The following HEPH variants were observed in gnomAD, a reference collection of about 807,000 sequenced individuals.
HEPH encodes the protein hephaestin.
HEPH carries 69 observed loss-of-function variants against 80.8 expected under a neutral mutation model. The ratio of observed to expected loss-of-function variants is 0.85; its 90% confidence interval spans 0.70 to 1.04. The LOEUF (loss-of-function observed/expected upper bound fraction) is 1.04. Among genes scored for constraint, HEPH ranks in the 50% least tolerant of loss-of-function variants. The probability of loss-of-function intolerance (pLI) is 0.00; values close to 1 mark genes in which losing one functional copy is unlikely to be tolerated. For synonymous variants in HEPH, 431 were observed against 322.8 expected (o/e 1.34, Z -3.60); for missense variants, 1,115 against 891.3 (o/e 1.25, Z -3.20).
At chrX:66,245,008 G>GA (rs2090747523) in intron 15 of HEPH, among the ~76,000 whole-genome samples, 1 of 110,321 alleles carries the variant, frequency 9.1e-6, no homozygotes, top group Non-Finnish European at 1.9e-5. Context: ...CCATTTATGT[G>GA]AAAAATAGGC....
At position 66,256,347 on chromosome X, in the gene HEPH, C is replaced by T. The variant is rs762098355; in HGVS notation, c.2896+17C>T. 2 of 1,129,877 alleles carry T rather than the reference C, an allele frequency of 1.8e-6. No homozygotes were observed. Among genetic ancestry groups the T allele is most frequent in the Admixed American group, 4.4e-5 (2 of 45,392 alleles). The allele number at this position is 1,129,877 out of a possible 1,213,427, so 93.1% of individuals were successfully genotyped here. ...AAATGCATGGTCAGTAGTAAAAAAC[C>T]TACTCTTGTTCCAAAGCAGTCCCTA... is the stretch of plus-strand genomic sequence containing the variant. On this transcript the variant is annotated intron_variant, in intron 17 of 20. Coordinates refer to ENST00000343002, the MANE Select transcript of HEPH (RefSeq NM_001367233.3).
chrX:66,197,192 GTA>G (rs934786202), intron 9 of HEPH, among the ~76,000 whole-genome samples: 27 of 108,887 alleles, frequency 2.5e-4, no homozygotes, highest in Non-Finnish European at 4.2e-4. Context: ...ATATATATAT[GTA>G]TATATATACA....
rs139478738 is a variant in HEPH, at chrX:66,236,702, T to C, written c.2564-18333T>C. ...TAGTAGGAATGGTAGCAGATCTTTG[T>C]ACACCTTGTAGAATTGGGTTGTGAA... On this transcript the variant is annotated intron_variant, in intron 15 of 20. Transcript: ENST00000343002. Among the ~76,000 whole-genome samples the C allele has an allele frequency of 5.6e-4, 62 of 111,610 alleles. No homozygotes were observed. In the East Asian group the frequency reaches 0.017, roughly 32 times the overall value.
rs774145949 is a variant in HEPH, at chrX:66,193,564, G to A, written c.1295G>A (p.Arg432Gln). ...ATTGGGGGCACTTACTGGAAAGTGC[G>A]ATATGAAGCCTTTCAAGATGAGACA... ...SRIGGTYWKV[R>Q]YEAFQDETFQ... Residue 432 changes from arginine (R) to glutamine (Q), a missense_variant, in exon 8 of 21, where the codon CGA (arginine) becomes CAA (glutamine). Arg to Gln is a conservative substitution (Grantham distance 43, BLOSUM62 1). Transcript: ENST00000343002. The A allele has an allele frequency of 9.3e-6, 11 of 1,188,705 alleles. No homozygotes were observed. Among genetic ancestry groups the A allele is most frequent in the Admixed American group, 8.9e-5 (4 of 45,019 alleles).
At chrX:66,202,002 A>G (rs1218417808) in intron 12 of HEPH, among the ~76,000 whole-genome samples, 1 of 112,186 alleles carries the variant, frequency 8.9e-6, no homozygotes, top group Admixed American at 9.5e-5. Flanking sequence ...ATCATTTTAA[A>G]AGAGAGGGGC....
intron 15 of HEPH, among the ~76,000 whole-genome samples, chrX:66,233,107 A>T: frequency 8.9e-6 from 1 of 112,245 alleles, no homozygotes; most frequent in East Asian, 2.8e-4. Context: ...AACTTTTTAC[A>T]AATATGTCAC....
At chrX:66,225,026 T>C (rs1351435817) in intron 15 of HEPH, among the ~76,000 whole-genome samples, 1 of 110,051 alleles carries the variant, frequency 9.1e-6, no homozygotes, top group African/African-American at 3.3e-5. Flanking sequence ...TGGAGGGGTC[T>C]AAAACCAGCT....
chrX:66,190,083 C>A, intron 6 of HEPH, 145 bp downstream of exon 6: 1 of 573,060 alleles, frequency 1.7e-6, no homozygotes, highest in Non-Finnish European at 2.6e-6. Flanking sequence ...GATTAGAAGT[C>A]AGGGGACCCA....
At chrX:66,235,877 G>T (rs191698144) in intron 15 of HEPH, among the ~76,000 whole-genome samples, 2 of 110,468 alleles carry the variant, frequency 1.8e-5, no homozygotes, top group African/African-American at 6.6e-5. Flanking sequence ...CAGTGTTTTA[G>T]GAATGGAATG....
At chrX:66,179,430 C>T (rs190906751) in intron 4 of HEPH, among the ~76,000 whole-genome samples, 3 of 111,840 alleles carry the variant, frequency 2.7e-5, no homozygotes, top group African/African-American at 6.5e-5. Context: ...GCAATGCGGG[C>T]TCTTTTTTGG....
intron 1 of HEPH, among the ~76,000 whole-genome samples, chrX:66,169,389 G>C (rs1195193164): frequency 8.9e-6 from 1 of 111,789 alleles, no homozygotes. Flanking sequence ...GTGTGTGCAA[G>C]TTTATGTATT....
chrX:66,243,020 C>A (rs1281361063), intron 15 of HEPH, among the ~76,000 whole-genome samples: 2 of 111,581 alleles, frequency 1.8e-5, no homozygotes, highest in African/African-American at 6.5e-5. Context: ...GGGTATATAA[C>A]CAAGGAAATA....
chrX:66,239,709 A>T (rs1433244397), intron 15 of HEPH, among the ~76,000 whole-genome samples: 1 of 111,917 alleles, frequency 8.9e-6, no homozygotes, highest in Non-Finnish European at 1.9e-5. Flanking sequence ...AGCAGAAAGG[A>T]CACACTCTTC....
chrX:66,228,811 C>T (rs1204423858), intron 15 of HEPH, among the ~76,000 whole-genome samples: 2 of 112,014 alleles, frequency 1.8e-5, no homozygotes, highest in Non-Finnish European at 3.8e-5. Context: ...AAATTCAAAT[C>T]AAAACCACAG....
At chrX:66,176,742 ATGCGGTGTTTGGT>A (rs2086821327) in intron 4 of HEPH, among the ~76,000 whole-genome samples, 2 of 111,044 alleles carry the variant, frequency 1.8e-5, no homozygotes, top group African/African-American at 6.6e-5. Flanking sequence ...GATTGAGAAC[ATGCGGTGTTTGGT>A]TTTTTTGTCC....
intron 15 of HEPH, among the ~76,000 whole-genome samples, chrX:66,236,965 A>G (rs1068533): frequency 0.27 from 30,270 of 110,386 alleles, 3,974 homozygotes; most frequent in African/African-American, 0.51. Flanking sequence ...CAATGGTAAT[A>G]TCCCCTTTGT....
intron 1 of HEPH, among the ~76,000 whole-genome samples, chrX:66,167,285 G>A (rs1325765033): frequency 1.8e-5 from 2 of 111,958 alleles, no homozygotes; most frequent in African/African-American, 6.5e-5. Flanking sequence ...TCTGGAAACT[G>A]CTAGGGGTAT....
At chrX:66,212,331 G>C in intron 15 of HEPH, among the ~76,000 whole-genome samples, 1 of 110,120 alleles carries the variant, frequency 9.1e-6, no homozygotes, top group East Asian at 2.8e-4. Context: ...CTGTGCAATA[G>C]CTATTTAGTT....
At chrX:66,198,783 A>G (rs2088253166) in intron 10 of HEPH, 95 bp from the exon 11 acceptor site, 3 of 676,818 alleles carry the variant, frequency 4.4e-6, no homozygotes, top group Non-Finnish European at 6.8e-6. Context: ...AGGAAATGGG[A>G]AAGAATCTGG....
Sources: gnomAD v4.1 joint callset for allele counts (sites outside exome capture counted in the v4.1 genomes callset) on GRCh38, gnomAD v4.1.1 for gene constraint, MANE v1.5 for transcripts, NCBI Gene and HGNC (gene_info 2026-07-23, HGNC 2026-07-21) for gene names.